Variants in ATP11A observed in about 807,000 individuals in gnomAD.
ATP11A encodes the protein ATPase phospholipid transporting 11A.
In ATP11A, 81 loss-of-function variants were observed where a neutral mutation model predicts 154.4. The ratio of observed to expected loss-of-function variants is 0.52; its 90% CI spans 0.44 to 0.63. ATP11A has a LOEUF of 0.63. ATP11A is among the 30% of genes least tolerant of loss of function. The pLI is 0.00. For synonymous variants in ATP11A, 623 were observed against 585.9 expected (o/e 1.06, Z -0.91); for missense variants, 1,316 against 1,474.3 (o/e 0.89, Z 1.76).
chr13:112,756,307 G>A lies in ATP11A; in HGVS notation c.40-28828G>A, dbSNP rs117170318. 9.4e-4 allele frequency among the ~76,000 whole-genome samples: 143 copies of A among 152,320 alleles called. No homozygotes were observed. The Middle Eastern group carries it at 0.014, about 15-fold the overall frequency. ...CAAATAACTAAGGGTCATGTCCATC[G>A]TTGCGGTGCCTTCAGGAAAGGGGAA... On this transcript the variant is annotated intron_variant, in intron 1 of 29. Coordinates refer to ENST00000375645, the MANE Select transcript of ATP11A (RefSeq NM_015205.3).
chr13:112,816,753 T>G (rs1379324622), intron 6 of ATP11A, among the ~76,000 whole-genome samples: 1 of 152,222 alleles, frequency 6.6e-6, no homozygotes, highest in Non-Finnish European at 1.5e-5. Context: ...ACTTTTTCTT[T>G]CCAGTCTCAA....
Position 112,881,988 on chromosome 13 carries a change from T to C in ATP11A, c.*122T>C, listed in dbSNP as rs750998096. On this transcript the variant is annotated 3_prime_UTR_variant, in exon 30 of 30. Transcript: ENST00000375645. Reference sequence around the variant, plus strand: ...GTGTCCACGGAGCCCCCACCCATCCTCGGCGGTTCCCATCACCACTGCAGT... The same window carrying C: ...GTGTCCACGGAGCCCCCACCCATCCCCGGCGGTTCCCATCACCACTGCAGT... The C allele has an allele frequency of 7.3e-7, 1 of 1,367,778 alleles. No homozygotes were observed. The highest frequency in any genetic ancestry group is 1.1e-5 in the South Asian group (1 of 88,036). 84.7% of individuals were successfully genotyped at this position (1,367,778 alleles called of 1,614,324 possible). A position where few individuals can be genotyped will look rare whatever the true frequency, so the allele number is the denominator to read the frequency against.
chr13:112,812,035 A>G (rs1227728794), intron 5 of ATP11A: 2 of 152,210 alleles, frequency 1.3e-5, no homozygotes, highest in Non-Finnish European at 2.9e-5. Flanking sequence ...TCAAACATTG[A>G]TTCTTTGTGT....
Position 112,755,714 on chromosome 13 carries a change from G to GCGGCTCCCAGAA in ATP11A, c.40-29419_40-29408dup, listed in dbSNP as rs1342183112. On this transcript the variant is annotated intron_variant, in intron 1 of 29. Transcript: ENST00000375645. The stretch of plus-strand genomic sequence containing the variant: ...TCCGGTCACGGAACCATCACTCAGA[G>GCGGCTCCCAGAA]CGGCTCCCAGAACCATTTCCGGTCA... Among the ~76,000 whole-genome samples, 6 of 152,146 alleles carry GCGGCTCCCAGAA rather than the reference G, an allele frequency of 3.9e-5. No homozygotes were observed. The East Asian group carries it at 1.2e-3, about 30-fold the overall frequency.
At chr13:112,708,991 G>T (rs1030803485) in intron 1 of ATP11A, among the ~76,000 whole-genome samples, 13 of 152,292 alleles carry the variant, frequency 8.5e-5, no homozygotes, top group African/African-American at 3.1e-4. Context: ...ACTCCGGGAG[G>T]GATGGGTGTG....
At chr13:112,857,212 T>C (rs2079955454) in intron 20 of ATP11A, among the ~76,000 whole-genome samples, 1 of 152,196 alleles carries the variant, frequency 6.6e-6, no homozygotes, top group Non-Finnish European at 1.5e-5. Context: ...TTCTTACAGC[T>C]TGAACTGTTA....
rs868226320 is a variant in ATP11A, at chr13:112,884,439, G to A, written c.*2573G>A. 6.6e-6 allele frequency: 1 copy of A among 152,336 alleles called. No homozygotes were observed. Among genetic ancestry groups the A allele is most frequent in the East Asian group, 1.9e-4 (1 of 5,184 alleles). 9.4% of individuals were successfully genotyped at this position (152,336 alleles called of 1,614,324 possible). A position where few individuals can be genotyped will look rare whatever the true frequency, so the allele number is the denominator to read the frequency against. ...ACTAAACTTTTACACACTCCCAAACGTCTTTTTAAAAATTGCTTGGGAAAT... is the reference window on the plus strand; with the variant it reads ...ACTAAACTTTTACACACTCCCAAACATCTTTTTAAAAATTGCTTGGGAAAT... On this transcript the variant is annotated 3_prime_UTR_variant, in exon 30 of 30. Transcript: ENST00000375645.
Position 112,881,941 on chromosome 13 carries a change from A to G in ATP11A, c.*75A>G, listed in dbSNP as rs2080896697. On this transcript the variant is annotated 3_prime_UTR_variant, in exon 30 of 30. Coordinates refer to ENST00000375645, the MANE Select transcript of ATP11A (RefSeq NM_015205.3). Reference sequence around the variant, plus strand: ...ACAGCTCCCACTCTCAGCAGGTGACACTCGCGGCCTGGAAGGAGAAGGTGT... The same window carrying G: ...ACAGCTCCCACTCTCAGCAGGTGACGCTCGCGGCCTGGAAGGAGAAGGTGT... 3 of 1,367,472 alleles carry G rather than the reference A, an allele frequency of 2.2e-6. No individual in the cohort carries two copies. Among genetic ancestry groups the G allele is most frequent in the African/African-American group, 1.5e-5 (1 of 67,638 alleles). The allele number at this position is 1,367,472 out of a possible 1,614,324, so 84.7% of individuals were successfully genotyped here. A position where few individuals can be genotyped will look rare whatever the true frequency, so the allele number is the denominator to read the frequency against.
chr13:112,737,212 G>C (rs934911524), intron 1 of ATP11A, among the ~76,000 whole-genome samples: 2 of 152,192 alleles, frequency 1.3e-5, no homozygotes, highest in Non-Finnish European at 2.9e-5. Flanking sequence ...CTGGGGGATG[G>C]AGGCAGAGGT....
chr13:112,826,945 C>G, intron 12 of ATP11A, 54 bp downstream of exon 12: 1 of 1,578,104 alleles, frequency 6.3e-7, no homozygotes, highest in South Asian at 1.1e-5. Flanking sequence ...GGTGAGTCTG[C>G]TTCACGTTCC....
intron 17 of ATP11A, 56 bp from the exon 18 acceptor site, chr13:112,850,981 A>T (rs2079747725): frequency 6.4e-7 from 1 of 1,555,060 alleles, no homozygotes; most frequent in Non-Finnish European, 8.8e-7. Context: ...GTGGAGCGTA[A>T]TATTTCAGCA....
At chr13:112,789,592 G>GTGT (rs2077777645) in intron 2 of ATP11A, among the ~76,000 whole-genome samples, 1 of 132,126 alleles carries the variant, frequency 7.6e-6, no homozygotes, top group Admixed American at 7.5e-5. Flanking sequence ...GTGTCCTGAC[G>GTGT]CGTAGACCCC....
chr13:112,836,472 C>A (rs1021147636), intron 16 of ATP11A, among the ~76,000 whole-genome samples: 4 of 152,142 alleles, frequency 2.6e-5, no homozygotes, highest in African/African-American at 9.7e-5. Flanking sequence ...AAACATCCGG[C>A]ACCCTTGCTC....
chr13:112,707,594 G>A (rs980610665), intron 1 of ATP11A, among the ~76,000 whole-genome samples: 10 of 152,116 alleles, frequency 6.6e-5, no homozygotes, highest in African/African-American at 2.2e-4. Context: ...CCATTCCACA[G>A]TCGACCGGCA....
chr13:112,842,171 A>C, intron 16 of ATP11A, 105 bp from the exon 17 acceptor site: 1 of 884,350 alleles, frequency 1.1e-6, no homozygotes, highest in Non-Finnish European at 1.8e-6. Flanking sequence ...AAAGCTTTCC[A>C]CACTGCTATC....
At chr13:112,877,824 C>T (rs1238659049) in intron 28 of ATP11A, among the ~76,000 whole-genome samples, 1 of 152,246 alleles carries the variant, frequency 6.6e-6, no homozygotes, top group African/African-American at 2.4e-5. Context: ...CACAGGCCCT[C>T]TGCTCTGCAA....
chr13:112,823,054 G>A (rs9577847), intron 8 of ATP11A, among the ~76,000 whole-genome samples: 24,013 of 152,188 alleles, frequency 0.16, 2,081 homozygotes, highest in East Asian at 0.3. Flanking sequence ...TGAGGCTGCC[G>A]GGCGCAGCTC....
chr13:112,818,933 C>G (rs774043298), intron 6 of ATP11A, among the ~76,000 whole-genome samples: 2 of 152,200 alleles, frequency 1.3e-5, no homozygotes, highest in Non-Finnish European at 2.9e-5. Context: ...GTGAAGTGAT[C>G]CTGTGACCGC....
chr13:112,876,705 T>G (rs1278759), intron 28 of ATP11A, among the ~76,000 whole-genome samples: 2 of 152,154 alleles, frequency 1.3e-5, no homozygotes, highest in African/African-American at 4.8e-5. Context: ...AATGGGGAAA[T>G]GAGGGGTGGG....
Sources: allele counts gnomAD v4.1 joint callset (sites outside exome capture counted in the v4.1 genomes callset), GRCh38; gene constraint gnomAD v4.1.1; transcripts MANE v1.5; gene names NCBI Gene and HGNC (gene_info 2026-07-23, HGNC 2026-07-21).